The following SHISA9 variants were observed in gnomAD, a reference collection of about 807,000 sequenced individuals.
The protein encoded by SHISA9 is protein shisa-9.
Under a neutral mutation model 38.0 loss-of-function variants are expected in SHISA9, and 13 were observed. The ratio of observed to expected loss-of-function variants is 0.34; its 90% CI spans 0.22 to 0.54. The LOEUF is 0.54. Ranked by LOEUF, SHISA9 falls within the 20% of genes least tolerant of loss-of-function variation. The pLI, the probability that SHISA9 is intolerant of heterozygous loss-of-function variation, is 0.91. For missense variants in SHISA9, 538 were observed against 575.8 expected (o/e 0.93, Z 0.67); for synonymous variants, 275 against 242.0 (o/e 1.14, Z -1.27).
At chr16:13,085,397 G>A (rs532486261) in intron 2 of SHISA9, among the ~76,000 whole-genome samples, 3 of 152,052 alleles carry the variant, frequency 2.0e-5, no homozygotes, top group Non-Finnish European at 2.9e-5. Flanking sequence ...AAACATAAAG[G>A]CTTGTGTTGA....
the SHISA9 span, among the ~76,000 whole-genome samples, chr16:13,285,036 C>T: frequency 1.2e-4 from 18 of 152,198 alleles, no homozygotes; most frequent in African/African-American, 3.9e-4. Flanking sequence ...CTGGGTGTCC[C>T]AGGCCGGTTT....
At chr16:13,234,985 TCTTC>T (rs1446582761) in intron 4 of SHISA9, 41 bp from the exon 5 acceptor site, 6 of 1,495,230 alleles carry the variant, frequency 4.0e-6, no homozygotes, top group Non-Finnish European at 5.4e-6. Flanking sequence ...TCTCTCTCTC[TCTTC>T]TCTTTCTTCC....
chr16:12,951,650 T>G (rs2071759148), intron 2 of SHISA9, among the ~76,000 whole-genome samples: 1 of 152,146 alleles, frequency 6.6e-6, no homozygotes, highest in African/African-American at 2.4e-5. Flanking sequence ...GGGGTGCACC[T>G]GCCTGGTAAA....
In SHISA9 at chr16:13,237,007, A is replaced by T. The variant is rs185881909; in HGVS notation, c.*1598A>T. The T allele has an allele frequency of 6.6e-6, 1 of 152,290 alleles. No individual in the cohort carries two copies. Among genetic ancestry groups the T allele is most frequent in the East Asian group, 1.9e-4 (1 of 5,176 alleles). 9.4% of individuals were successfully genotyped at this position (152,290 alleles called of 1,614,324 possible). A position where few individuals can be genotyped will look rare whatever the true frequency, so the allele number is the denominator to read the frequency against. ...TGTGGAAGCCCAAAGAAGTGGATTG[A>T]GAGAGAAGAGATTTTTATCTAAGGT... On this transcript the variant is annotated 3_prime_UTR_variant, in exon 5 of 5. Transcript: ENST00000558583.
In SHISA9 at chr16:12,970,474, T is replaced by TACACAC. The variant is rs1487550205; in HGVS notation, c.691+53660_691+53661insCACACA. On this transcript the variant is annotated intron_variant, in intron 2 of 4. Coordinates refer to ENST00000558583, the MANE Select transcript of SHISA9 (RefSeq NM_001145204.3). ...ATATATACATATATGTGTGTGTATA[T>TACACAC]ATATATATATATATATATATATATT... 7.5e-3 allele frequency among the ~76,000 whole-genome samples: 145 copies of TACACAC among 19,460 alleles called. 7 individuals are homozygous for TACACAC. Among genetic ancestry groups the TACACAC allele is most frequent in the African/African-American group, 0.024 (134 of 5,580 alleles). The allele number at this position is 19,460 out of a possible 152,430, so 12.8% of individuals were successfully genotyped here. A position where few individuals can be genotyped will look rare whatever the true frequency, so the allele number is the denominator to read the frequency against.
At chr16:12,929,454 C>T (rs1298387131) in intron 2 of SHISA9, among the ~76,000 whole-genome samples, 1 of 152,138 alleles carries the variant, frequency 6.6e-6, no homozygotes, top group South Asian at 2.1e-4. Context: ...GAATACTATG[C>T]AGCCATAAAA....
At chr16:13,372,491 T>G in the SHISA9 span, among the ~76,000 whole-genome samples, 6 of 152,218 alleles carry the variant, frequency 3.9e-5, no homozygotes, top group African/African-American at 1.4e-4. Flanking sequence ...GATCATGGCA[T>G]GGCCCACCAT....
downstream of SHISA9, among the ~76,000 whole-genome samples, chr16:13,241,759 C>A (rs1452884532): frequency 6.6e-6 from 1 of 152,126 alleles, no homozygotes; most frequent in African/African-American, 2.4e-5. Context: ...GATTTGGAGA[C>A]CTTTCATTGG....
chr16:13,098,072 G>A (rs182832839), intron 2 of SHISA9, among the ~76,000 whole-genome samples: 3 of 152,230 alleles, frequency 2.0e-5, no homozygotes, highest in Admixed American at 6.5e-5. Flanking sequence ...ACCCCATTTC[G>A]CAGAAGAAAC....
the SHISA9 span, among the ~76,000 whole-genome samples, chr16:13,414,460 C>T: frequency 0.017 from 2,642 of 152,208 alleles, 31 homozygotes; most frequent in Middle Eastern, 0.031. Context: ...CACAGCATTC[C>T]TGGAAACAAG....
At chr16:13,214,203 A>G (rs1333858671) in intron 4 of SHISA9, among the ~76,000 whole-genome samples, 1 of 151,970 alleles carries the variant, frequency 6.6e-6, no homozygotes, top group Non-Finnish European at 1.5e-5. Context: ...CTATTTATCT[A>G]TTTATTTATT....
chr16:13,534,507 G>A, the SHISA9 span, among the ~76,000 whole-genome samples: 14 of 152,206 alleles, frequency 9.2e-5, no homozygotes, highest in Non-Finnish European at 1.2e-4. Flanking sequence ...TTACAGGTGT[G>A]AGTCACCATG....
At chr16:13,255,948 T>G in the SHISA9 span, among the ~76,000 whole-genome samples, 2 of 152,214 alleles carry the variant, frequency 1.3e-5, no homozygotes. Flanking sequence ...TCCTTAACAT[T>G]TCTTCCCTGT....
chr16:13,188,740 G>A (rs940397208), intron 2 of SHISA9, among the ~76,000 whole-genome samples: 25 of 143,144 alleles, frequency 1.7e-4, no homozygotes, highest in Non-Finnish European at 3.7e-4. Flanking sequence ...AAAAAAAAAG[G>A]TATGAGGAAA....
In SHISA9 at chr16:13,018,590, G is replaced by A. The variant is rs763244036; in HGVS notation, c.691+101775G>A. Among the ~76,000 whole-genome samples the A allele has an allele frequency of 3.3e-5, 5 of 152,162 alleles. No homozygotes were observed. The East Asian group carries it at 7.7e-4, about 23-fold the overall frequency. ...GTGGAGGGAAGAGTCCCAGGCAGGG[G>A]GTGTGGAGACTTCTCAGTGCCTTGT... On this transcript the variant is annotated intron_variant, in intron 2 of 4. Coordinates refer to ENST00000558583, the MANE Select transcript of SHISA9 (RefSeq NM_001145204.3).
chr16:13,524,466 A>G, the SHISA9 span, among the ~76,000 whole-genome samples: 1 of 152,230 alleles, frequency 6.6e-6, no homozygotes, highest in Admixed American at 6.5e-5. Context: ...CCTCTTGAAG[A>G]TAGCTCCACT....
At chr16:13,555,801 AT>A in the SHISA9 span, among the ~76,000 whole-genome samples, 2 of 151,926 alleles carry the variant, frequency 1.3e-5, no homozygotes, top group African/African-American at 4.8e-5. Context: ...GTGGAAAGGT[AT>A]TTTGTATTTA....
intron 2 of SHISA9, among the ~76,000 whole-genome samples, chr16:13,069,533 G>A (rs1203153902): frequency 6.6e-6 from 1 of 151,756 alleles, no homozygotes; most frequent in African/African-American, 2.4e-5. Flanking sequence ...TACACACAAT[G>A]TGTGCATGTG....
intron 2 of SHISA9, among the ~76,000 whole-genome samples, chr16:13,192,282 CT>C (rs1439487727): frequency 2.2e-4 from 33 of 152,212 alleles, no homozygotes; most frequent in African/African-American, 6.7e-4. Flanking sequence ...ACAATGTTCA[CT>C]ATTTGGGTGA....
Sources: gnomAD v4.1 joint callset for allele counts (sites outside exome capture counted in the v4.1 genomes callset) on GRCh38, gnomAD v4.1.1 for gene constraint, MANE v1.5 for transcripts, NCBI Gene and HGNC (gene_info 2026-07-23, HGNC 2026-07-21) for gene names.